DCDC2: variants seen among roughly 807,000 people sequenced by gnomAD.
DCDC2 encodes the protein doublecortin domain-containing protein 2.
Under a neutral mutation model 50.2 loss-of-function variants are expected in DCDC2, and 40 were observed. The ratio of observed to expected loss-of-function variants is 0.80; its 90% CI spans 0.62 to 1.04. The LOEUF (loss-of-function observed/expected upper bound fraction) is 1.04, where lower values mean the gene tolerates loss of function less well. DCDC2 is among the 50% of genes least tolerant of loss of function. The pLI is 0.00. For missense variants in DCDC2, 570 were observed against 581.9 expected, an observed-to-expected ratio of 0.98 and a Z score of 0.21; for synonymous variants, 234 against 210.6, an observed-to-expected ratio of 1.11 and a Z score of -0.96.
At chr6:24,301,387 A>AAAAAAAAAAAG in intron 4 of DCDC2, among the ~76,000 whole-genome samples, 1 of 151,278 alleles carries the variant, frequency 6.6e-6, no homozygotes, top group African/African-American at 2.4e-5. Context: ...AAAAAAAAAA[A>AAAAAAAAAAAG]AAAAAAGTTA....
chr6:24,191,358 A>G (rs531504570), intron 8 of DCDC2, among the ~76,000 whole-genome samples: 8 of 152,216 alleles, frequency 5.3e-5, no homozygotes, highest in Admixed American at 1.3e-4. Context: ...GGCAACAGGC[A>G]TATTTGGTTT....
At chr6:24,318,027 C>T (rs1759704263) in intron 2 of DCDC2, among the ~76,000 whole-genome samples, 1 of 151,756 alleles carries the variant, frequency 6.6e-6, no homozygotes, top group African/African-American at 2.4e-5. Flanking sequence ...TAGAAACAGA[C>T]ACTCCCATAC....
At chr6:24,383,152 C>A in the DCDC2 span, among the ~76,000 whole-genome samples, 2 of 152,022 alleles carry the variant, frequency 1.3e-5, no homozygotes, top group Admixed American at 6.6e-5. Flanking sequence ...CATGGAGAAA[C>A]CCCGTCTCTA....
At chr6:24,218,552 G>A (rs1239507694) in intron 7 of DCDC2, among the ~76,000 whole-genome samples, 1 of 152,114 alleles carries the variant, frequency 6.6e-6, no homozygotes. Context: ...GAGTGCAGTG[G>A]CACAGTCATA....
chr6:24,211,012 C>A (rs902820094), intron 7 of DCDC2, among the ~76,000 whole-genome samples: 22 of 152,226 alleles, frequency 1.4e-4, no homozygotes, highest in African/African-American at 5.3e-4. Context: ...TCTCAGGAAA[C>A]CCTCCTTGTT....
At chr6:24,358,932 A>G (rs1269367622), upstream of DCDC2, among the ~76,000 whole-genome samples, 25 of 61,870 alleles carry the variant, frequency 4.0e-4, no homozygotes, top group Admixed American at 4.1e-3. Flanking sequence ...TATATATTAT[A>G]TATTTTATAT....
In DCDC2 at chr6:24,298,479, T is replaced by TA. The variant is rs1404531003; in HGVS notation, c.557+3235dup. ...CAGGCTCTGGAGCCGGAATGCCTAC[T>TA]AGGCTTGAATCCCAGCCCTGCTACT... On this transcript the variant is annotated intron_variant, in intron 4 of 9. Coordinates refer to ENST00000378454, the MANE Select transcript of DCDC2 (RefSeq NM_016356.5). Among the ~76,000 whole-genome samples the TA allele has an allele frequency of 4.6e-5, 7 of 152,254 alleles. No homozygotes were observed. The South Asian group carries it at 1.4e-3, about 31-fold the overall frequency.
At chr6:24,320,887 G>T (rs1048833301) in intron 2 of DCDC2, among the ~76,000 whole-genome samples, 2 of 151,372 alleles carry the variant, frequency 1.3e-5, no homozygotes, top group African/African-American at 2.4e-5. Context: ...TTATTCCAGG[G>T]CCAGAGAAAG....
At chr6:24,318,008 T>C (rs1387410496) in intron 2 of DCDC2, among the ~76,000 whole-genome samples, 1 of 151,928 alleles carries the variant, frequency 6.6e-6, no homozygotes, top group Non-Finnish European at 1.5e-5. Context: ...TATTTGTTTT[T>C]TAAGACAGTA....
intron 8 of DCDC2, among the ~76,000 whole-genome samples, chr6:24,202,320 G>A (rs1761606900): frequency 6.6e-6 from 1 of 152,174 alleles, no homozygotes; most frequent in South Asian, 2.1e-4. Flanking sequence ...ATGGAAGCCT[G>A]GTTCAACATA....
chr6:24,191,542 G>A (rs1005748977), intron 8 of DCDC2, among the ~76,000 whole-genome samples: 21 of 152,182 alleles, frequency 1.4e-4, no homozygotes, highest in Non-Finnish European at 2.9e-4. Flanking sequence ...GCCTGTGGAA[G>A]TCTGAAGAAC....
intron 2 of DCDC2, among the ~76,000 whole-genome samples, chr6:24,326,540 A>T (rs1759872127): frequency 6.7e-6 from 1 of 149,432 alleles, no homozygotes; most frequent in Admixed American, 6.7e-5. Flanking sequence ...GAAGAAAAAA[A>T]CACCATCATT....
At chr6:24,257,345 T>C (rs1413610005) in intron 7 of DCDC2, among the ~76,000 whole-genome samples, 1 of 152,188 alleles carries the variant, frequency 6.6e-6, no homozygotes, top group Admixed American at 6.5e-5. Context: ...AGCCAGATGA[T>C]GGGCTCACAA....
intron 2 of DCDC2, among the ~76,000 whole-genome samples, chr6:24,331,594 G>T (rs1453549481): frequency 6.6e-6 from 1 of 151,998 alleles, no homozygotes; most frequent in Non-Finnish European, 1.5e-5. Context: ...ATAGATATTT[G>T]AATCTCGTCA....
intron 2 of DCDC2, among the ~76,000 whole-genome samples, chr6:24,328,554 G>C (rs2127237555): frequency 6.6e-6 from 1 of 152,236 alleles, no homozygotes; most frequent in Non-Finnish European, 1.5e-5. Context: ...CCACGCCCAT[G>C]GCCAATCATG....
chr6:24,295,668 T>C (rs920713610), intron 4 of DCDC2, among the ~76,000 whole-genome samples: 2 of 152,170 alleles, frequency 1.3e-5, no homozygotes, highest in African/African-American at 4.8e-5. Context: ...AGCATTCCTA[T>C]ACTCCAACAA....
intron 7 of DCDC2, among the ~76,000 whole-genome samples, chr6:24,257,562 C>T (rs1181037183): frequency 2.0e-5 from 3 of 152,202 alleles, no homozygotes; most frequent in South Asian, 4.2e-4. Context: ...AGAGATGATG[C>T]CACTGTTAGT....
chr6:24,286,542 A>T (rs1263766737), intron 6 of DCDC2, among the ~76,000 whole-genome samples: 1 of 149,996 alleles, frequency 6.7e-6, no homozygotes, highest in African/African-American at 2.5e-5. Flanking sequence ...ACAGTAAACC[A>T]TGATCATGCC....
At chr6:24,175,592 C>T (rs967521356) in intron 9 of DCDC2, among the ~76,000 whole-genome samples, 1 of 152,140 alleles carries the variant, frequency 6.6e-6, no homozygotes, top group African/African-American at 2.4e-5. Flanking sequence ...ATGACTGGTG[C>T]CGTGTCTTAT....
Sources: allele counts gnomAD v4.1 joint callset (sites outside exome capture counted in the v4.1 genomes callset), GRCh38; gene constraint gnomAD v4.1.1; transcripts MANE v1.5; gene names NCBI Gene and HGNC (gene_info 2026-07-23, HGNC 2026-07-21).